The following CDIN1 variants were observed in gnomAD, a reference collection of about 807,000 sequenced individuals.
CDIN1 encodes the protein CDAN1-interacting nuclease 1.
In CDIN1, 33 loss-of-function variants were observed where a neutral mutation model predicts 45.3. That is an observed-to-expected ratio of 0.73 (90% confidence interval 0.55 to 0.97). The LOEUF (loss-of-function observed/expected upper bound fraction) is 0.97. Ranked by LOEUF, CDIN1 falls within the 50% of genes least tolerant of loss-of-function variation. The probability of loss-of-function intolerance (pLI) is 0.00; values close to 1 mark genes in which losing one functional copy is unlikely to be tolerated. For synonymous variants in CDIN1, 118 were observed against 124.4 expected (o/e 0.95, Z 0.34); for missense variants, 303 against 339.4 (o/e 0.89, Z 0.84).
chr15:36,582,720 A>T (rs912802955), intron 1 of CDIN1, among the ~76,000 whole-genome samples: 1 of 152,226 alleles, frequency 6.6e-6, no homozygotes, highest in Admixed American at 6.5e-5. Flanking sequence ...AAGCATAATT[A>T]TGTTTTCAAG....
intron 3 of CDIN1, chr15:36,648,890 T>C (rs2040462841): frequency 6.6e-6 from 1 of 152,096 alleles, no homozygotes; most frequent in African/African-American, 2.4e-5. Flanking sequence ...TGTCTAGAAA[T>C]GTTTTGCTGG....
intron 1 of CDIN1, among the ~76,000 whole-genome samples, chr15:36,586,516 ATGTGGTCTATAATAG>A (rs2037308277): frequency 1.3e-5 from 2 of 152,174 alleles, no homozygotes; most frequent in African/African-American, 4.8e-5. Flanking sequence ...CTTAATTAGC[ATGTGGTCTATAATAG>A]TGTGCTCACT....
intron 10 of CDIN1, among the ~76,000 whole-genome samples, chr15:36,738,760 C>A (rs1231127996): frequency 2.0e-5 from 3 of 152,126 alleles, no homozygotes; most frequent in African/African-American, 4.8e-5. Flanking sequence ...TCTCCATAAT[C>A]CTTACCTCCT....
chr15:36,749,289 A>G (rs1166650448), intron 10 of CDIN1, among the ~76,000 whole-genome samples: 2 of 152,168 alleles, frequency 1.3e-5, no homozygotes, highest in Admixed American at 6.5e-5. Flanking sequence ...TGCATTATAA[A>G]TGAATTTTTA....
intron 5 of CDIN1, among the ~76,000 whole-genome samples, chr15:36,673,739 G>T (rs565301694): frequency 6.6e-6 from 1 of 151,912 alleles, no homozygotes; most frequent in East Asian, 1.9e-4. Flanking sequence ...AAAAAATTTG[G>T]CAGGGTGGGT....
In CDIN1 at chr15:36,650,450, ATTT is replaced by A. The variant is rs1487053982; in HGVS notation, c.213-3647_213-3645del. ...TATTTATTTATTTATTTATTTATTT[ATTT>A]ATTATTTGAGACAGAACCTTTCTCT... On this transcript the variant is annotated intron_variant, in intron 3 of 10. Transcript: ENST00000566621. Among the ~76,000 whole-genome samples the A allele has an allele frequency of 9.9e-4, 112 of 112,918 alleles. 1 individual carries two copies. The highest frequency in any genetic ancestry group is 4.6e-3 in the Admixed American group (45 of 9,856). The allele number at this position is 112,918 out of a possible 152,430, so 74.1% of individuals were successfully genotyped here.
chr15:36,759,311 C>T (rs1225434776), intron 10 of CDIN1, among the ~76,000 whole-genome samples: 2 of 152,114 alleles, frequency 1.3e-5, no homozygotes, highest in African/African-American at 2.4e-5. Flanking sequence ...CAAATATGTC[C>T]TCTTCCCCTG....
intron 5 of CDIN1, chr15:36,668,335 A>T (rs974505666): frequency 4.6e-5 from 7 of 152,184 alleles, no homozygotes; most frequent in African/African-American, 1.7e-4. Context: ...TATAGTTTAT[A>T]AGAAGTTTTG....
At chr15:36,774,163 T>TGTGTGTGTGTGTGTGTGTGTGC (rs149222188) in intron 10 of CDIN1, among the ~76,000 whole-genome samples, 62 of 143,138 alleles carry the variant, frequency 4.3e-4, no homozygotes, top group African/African-American at 1.6e-3. Flanking sequence ...TGTGTGTGTG[T>TGTGTGTGTGTGTGTGTGTGTGC]GCGCGCGCGC....
chr15:36,597,982 C>T (rs922604248), intron 1 of CDIN1, among the ~76,000 whole-genome samples: 8 of 152,078 alleles, frequency 5.3e-5, no homozygotes, highest in South Asian at 2.1e-4. Flanking sequence ...CATAAATGGA[C>T]GTAAAACTTA....
chr15:36,621,975 A>G (rs939060326), intron 1 of CDIN1, among the ~76,000 whole-genome samples: 1 of 151,918 alleles, frequency 6.6e-6, no homozygotes, highest in Non-Finnish European at 1.5e-5. Flanking sequence ...TAGTGAGATC[A>G]TAAATTAGCC....
At position 36,666,465 on chromosome 15, in the gene CDIN1, A is replaced by G. The variant is rs1245163728; in HGVS notation, c.346+8560A>G. On this transcript the variant is annotated intron_variant, in intron 5 of 10. Coordinates refer to ENST00000566621, the MANE Select transcript of CDIN1 (RefSeq NM_001321759.2). ...AACACTTGCCCCTTCCCCTCACTAT[A>G]CATACACATTTGCCAGAGACTGCAA... Among the ~76,000 whole-genome samples the G allele has an allele frequency of 2.0e-5, 3 of 152,092 alleles. No individual in the cohort carries two copies. In the East Asian group the frequency reaches 5.8e-4, roughly 29 times the overall value.
At chr15:36,590,779 C>T (rs2037534793) in intron 1 of CDIN1, among the ~76,000 whole-genome samples, 1 of 152,180 alleles carries the variant, frequency 6.6e-6, no homozygotes, top group Admixed American at 6.5e-5. Flanking sequence ...TTGATATTTA[C>T]AAGGTTTATC....
intron 5 of CDIN1, among the ~76,000 whole-genome samples, chr15:36,686,772 G>A (rs2042067195): frequency 6.8e-6 from 1 of 146,586 alleles, no homozygotes; most frequent in Non-Finnish European, 1.5e-5. Flanking sequence ...AGGGATGGAG[G>A]GCAGAGGGAC....
At chr15:36,620,780 AT>A (rs200993044) in intron 1 of CDIN1, among the ~76,000 whole-genome samples, 23 of 139,158 alleles carry the variant, frequency 1.7e-4, no homozygotes, top group South Asian at 1.3e-3. Context: ...GTAAAATATT[AT>A]TTTTTTTTTA....
intron 5 of CDIN1, among the ~76,000 whole-genome samples, chr15:36,659,970 T>C (rs1308325572): frequency 6.9e-6 from 1 of 143,896 alleles, no homozygotes. Context: ...CCTTTTCTTT[T>C]TTTTTTTTTT....
chr15:36,649,833 C>G (rs1182307512), intron 3 of CDIN1, among the ~76,000 whole-genome samples: 6 of 152,190 alleles, frequency 3.9e-5, no homozygotes, highest in African/African-American at 1.2e-4. Flanking sequence ...CTGCATTTTA[C>G]ATACTTACAT....
chr15:36,742,150 T>G (rs1384722752), intron 10 of CDIN1, among the ~76,000 whole-genome samples: 1 of 152,104 alleles, frequency 6.6e-6, no homozygotes, highest in Non-Finnish European at 1.5e-5. Flanking sequence ...AAAACTAGTG[T>G]GTATATGTGA....
chr15:36,691,640 A>C, intron 5 of CDIN1, 45 bp from the exon 6 acceptor site: 1 of 1,278,992 alleles, frequency 7.8e-7, no homozygotes, highest in Non-Finnish European at 1.1e-6. Context: ...TTGCATTAAA[A>C]GTATGTTGAC....
Sources: gnomAD v4.1 joint callset for allele counts (sites outside exome capture counted in the v4.1 genomes callset) on GRCh38, gnomAD v4.1.1 for gene constraint, MANE v1.5 for transcripts, NCBI Gene and HGNC (gene_info 2026-07-23, HGNC 2026-07-21) for gene names.